ZNF845: variants seen among roughly 807,000 people sequenced by gnomAD.
ZNF845 encodes zinc finger protein 845.
Under a neutral mutation model 76.1 loss-of-function variants are expected in ZNF845, and 59 were observed. That is an observed-to-expected ratio of 0.78 (90% CI 0.63 to 0.96). The LOEUF (loss-of-function observed/expected upper bound fraction) is 0.96, where lower values mean the gene tolerates loss of function less well. Among genes scored for constraint, ZNF845 ranks in the 40% least tolerant of loss-of-function variants. The probability of loss-of-function intolerance (pLI) is 0.00; values close to 1 mark genes in which losing one functional copy is unlikely to be tolerated. For synonymous variants in ZNF845, 361 were observed against 386.9 expected (o/e 0.93, Z 0.78); for missense variants, 1,045 against 1,172.8 (o/e 0.89, Z 1.59).
intron 1 of ZNF845, 150 bp from the exon 2 acceptor site, chr19:53,341,085 C>A: frequency 1.3e-6 from 1 of 748,516 alleles, no homozygotes; most frequent in Non-Finnish European, 2.1e-6. Context: ...TTTCACCTTC[C>A]ACTGCCTGTA....
chr19:53,350,222 C>G (rs1391255404), intron 3 of ZNF845, among the ~76,000 whole-genome samples: 1 of 152,110 alleles, frequency 6.6e-6, no homozygotes, highest in East Asian at 1.9e-4. Flanking sequence ...CAACCTCTGC[C>G]TCTTGGGCTC....
intron 1 of ZNF845, among the ~76,000 whole-genome samples, chr19:53,338,293 T>C (rs890769467): frequency 2.0e-5 from 3 of 152,190 alleles, no homozygotes; most frequent in African/African-American, 4.8e-5. Flanking sequence ...GACCAGACCC[T>C]GTGTCCTCAG....
At chr19:53,334,725 A>AC (rs59524169) in intron 1 of ZNF845, among the ~76,000 whole-genome samples, 13,667 of 137,060 alleles carry the variant, frequency 0.1, 769 homozygotes, top group Admixed American at 0.19. Flanking sequence ...AAATAGTGAG[A>AC]CCCCCCCCCC....
Position 53,352,161 on chromosome 19 carries a change from A to G in ZNF845, c.1486A>G (p.Lys496Glu). ...RRLHTGEKPY[K>E]CEECDEAFSF... is the part of the protein sequence containing the mutation. ...ACTTCATACTGGAGAGAAACCTTAC[A>G]AATGTGAAGAATGTGATGAAGCTTT... Residue 496 changes from lysine (K) to glutamate (E), a missense_variant, in exon 4 of 4, where the codon AAA becomes GAA. Transcript: ENST00000458035. 1 of 1,613,888 alleles carries G rather than the reference A, an allele frequency of 6.2e-7. No homozygotes were observed. The highest frequency in any genetic ancestry group is 8.5e-7 in the Non-Finnish European group (1 of 1,179,900).
Position 53,353,881 on chromosome 19 carries a change from C to A in ZNF845, c.*293C>A, listed in dbSNP as rs1435326081. ...ACAAAGTCTTCAGTAACACTACAAC[C>A]GTTTCAAATCATTGGAGAATCCATA... On this transcript the variant is annotated 3_prime_UTR_variant, in exon 4 of 4. Coordinates refer to ENST00000458035, the MANE Select transcript of ZNF845 (RefSeq NM_138374.3). The A allele has an allele frequency of 2.7e-6, 3 of 1,120,200 alleles. No individual in the cohort carries two copies. The highest frequency in any genetic ancestry group is 1.6e-5 in the African/African-American group (1 of 63,724). 69.4% of individuals were successfully genotyped at this position (1,120,200 alleles called of 1,614,324 possible).
intron 1 of ZNF845, among the ~76,000 whole-genome samples, chr19:53,334,792 C>T (rs2147026218): frequency 6.6e-6 from 1 of 151,648 alleles, no homozygotes; most frequent in Admixed American, 6.6e-5. Context: ...CACCTGTAAT[C>T]CCAGCTGCTC....
intron 3 of ZNF845, among the ~76,000 whole-genome samples, chr19:53,350,000 A>C (rs2085322314): frequency 6.6e-6 from 1 of 152,088 alleles, no homozygotes; most frequent in Non-Finnish European, 1.5e-5. Flanking sequence ...GGGCCATTGC[A>C]CTCCAGCCTG....
In ZNF845 at chr19:53,353,827, A is replaced by C; in HGVS notation, c.*239A>C. 6.9e-7 allele frequency: 1 copy of C among 1,456,872 alleles called. No individual in the cohort carries two copies. The allele number at this position is 1,456,872 out of a possible 1,614,324, so 90.2% of individuals were successfully genotyped here. On this transcript the variant is annotated 3_prime_UTR_variant, in exon 4 of 4. Transcript: ENST00000458035. ...TTCACCATCAGGCAATCCATGGTAT[A>C]GGGAAACTTTACTAATGTAATGATT...
rs751092578 is a variant in ZNF845 at position 53,352,747 on chromosome 19, A to C, written c.2072A>C (p.Tyr691Ser). 1 of 1,614,210 alleles carries C rather than the reference A, an allele frequency of 6.2e-7. No homozygotes were observed. The highest frequency in any genetic ancestry group is 8.5e-7 in the Non-Finnish European group (1 of 1,180,012). ...AGACTTCATACTGGAGAGAAACCTT[A>C]CAAGTGTAATGAGTGTGGCAAGACC... is the stretch of plus-strand genomic sequence containing the variant. ...HRRLHTGEKP[Y>S]KCNECGKTFG... The change falls in exon 4 of 4, where the codon TAC becomes TCC. Residue 691 changes from tyrosine (Y) to serine (S), a missense_variant. Coordinates refer to ENST00000458035, the MANE Select transcript of ZNF845 (RefSeq NM_138374.3).
In ZNF845 at chr19:53,356,363, C is replaced by T. The variant is rs1197214345; in HGVS notation, c.*2775C>T. 1 of 152,094 alleles carries T rather than the reference C, an allele frequency of 6.6e-6. No homozygotes were observed. Among genetic ancestry groups the T allele is most frequent in the Non-Finnish European group, 1.5e-5 (1 of 68,038 alleles). 9.4% of individuals were successfully genotyped at this position (152,094 alleles called of 1,614,324 possible). A position where few individuals can be genotyped will look rare whatever the true frequency, so the allele number is the denominator to read the frequency against. On this transcript the variant is annotated 3_prime_UTR_variant, in exon 4 of 4. Coordinates refer to ENST00000458035, the MANE Select transcript of ZNF845 (RefSeq NM_138374.3). ...GACCAGCCTGGGCGACATAGGGGAC[C>T]TCTTCTCTGCTAAAAGTAAAAAAAG... is the stretch of plus-strand genomic sequence containing the variant.
At position 53,345,517 on chromosome 19, in the gene ZNF845, A is replaced by G; in HGVS notation, c.27A>G (p.Thr9=). MALSQGLL[T]FRDVAIEFSQ... is the part of the protein sequence containing the mutation. ...TGTTTTCATTTCAGGGTCTATTGACATTCAGGGATGTGGCCATAGAATTCT... is the reference window on the plus strand; with the variant it reads ...TGTTTTCATTTCAGGGTCTATTGACGTTCAGGGATGTGGCCATAGAATTCT... The change falls in exon 3 of 4, where the codon ACA becomes ACG. Residue 9 remains threonine, a synonymous_variant. Coordinates refer to ENST00000458035, the MANE Select transcript of ZNF845 (RefSeq NM_138374.3). 2 of 1,613,854 alleles carry G rather than the reference A, an allele frequency of 1.2e-6. No homozygotes were observed. The highest frequency in any genetic ancestry group is 1.7e-6 in the Non-Finnish European group (2 of 1,179,826).
At chr19:53,347,536 T>C (rs898305051) in intron 3 of ZNF845, among the ~76,000 whole-genome samples, 1 of 151,588 alleles carries the variant, frequency 6.6e-6, no homozygotes, top group African/African-American at 2.4e-5. Flanking sequence ...CTTGTGATCC[T>C]CCTGCCTCAG....
At chr19:53,347,909 A>G (rs1457646394) in intron 3 of ZNF845, among the ~76,000 whole-genome samples, 1 of 152,130 alleles carries the variant, frequency 6.6e-6, no homozygotes, top group Non-Finnish European at 1.5e-5. Context: ...AAATTGGCCA[A>G]GTGACCCCAC....
rs957603350 is a variant in ZNF845 at position 53,353,582 on chromosome 19, A to G, written c.2907A>G (p.Lys969=). ...ARHHRIHTGK[K]H is the part of the protein sequence containing the mutation. ...ATCATAGAATTCATACTGGAAAGAA[A>G]CATTAGAAATATGAAGAATGTGACA... The change falls in exon 4 of 4, where the codon AAA becomes AAG. Residue 969 remains lysine, a synonymous_variant. Transcript: ENST00000458035. 3.2e-6 allele frequency: 5 copies of G among 1,584,316 alleles called. No individual in the cohort carries two copies. The highest frequency in any genetic ancestry group is 4.3e-6 in the Non-Finnish European group (5 of 1,164,972).
chr19:53,352,324 C>T lies in ZNF845; in HGVS notation c.1649C>T (p.Pro550Leu). Residue 550 changes from proline to leucine, a missense_variant, in exon 4 of 4, where the codon CCT becomes CTT. Coordinates refer to ENST00000458035, the MANE Select transcript of ZNF845 (RefSeq NM_138374.3). Reference sequence around the variant, plus strand: ...TGTAGACTTCATACTGGAGAGAAACCTTACCAGTGTAATGAGTGTGGCAAA... The same window carrying T: ...TGTAGACTTCATACTGGAGAGAAACTTTACCAGTGTAATGAGTGTGGCAAA... ...RHCRLHTGEK[P>L]YQCNECGKAF... 6.2e-7 allele frequency: 1 copy of T among 1,613,760 alleles called. No individual in the cohort carries two copies.
intron 1 of ZNF845, among the ~76,000 whole-genome samples, chr19:53,336,229 A>C (rs561998514): frequency 1.9e-4 from 29 of 148,982 alleles, no homozygotes; most frequent in Admixed American, 4.0e-4. Context: ...AAAAAAAGGA[A>C]CATCAAAGCT....
In ZNF845 at chr19:53,355,655, T is replaced by G. The variant is rs889177740; in HGVS notation, c.*2067T>G. 1 of 152,196 alleles carries G rather than the reference T, an allele frequency of 6.6e-6. No individual in the cohort carries two copies. The highest frequency in any genetic ancestry group is 2.4e-5 in the African/African-American group (1 of 41,448). 9.4% of individuals were successfully genotyped at this position (152,196 alleles called of 1,614,324 possible). On this transcript the variant is annotated 3_prime_UTR_variant, in exon 4 of 4. Transcript: ENST00000458035. ...GGATGAGTTTTATTTCTTTTGCTAT[T>G]TAATTGCTCTGCCTAGGACAGCCAG...
At position 53,343,391 on chromosome 19, in the gene ZNF845, T is replaced by C. The variant is rs537008846; in HGVS notation, c.15+2069T>C. On this transcript the variant is annotated intron_variant, in intron 2 of 3. Coordinates refer to ENST00000458035, the MANE Select transcript of ZNF845 (RefSeq NM_138374.3). ...CATAGTGGCTGCCTCTGTGCACACC[T>C]GCGTTACTACAGATACCTGAAGATT... is the stretch of plus-strand genomic sequence containing the variant. Among the ~76,000 whole-genome samples, 18 of 152,302 alleles carry C rather than the reference T, an allele frequency of 1.2e-4. No individual in the cohort carries two copies. In the South Asian group the frequency reaches 2.1e-3, roughly 18 times the overall value.
chr19:53,339,082 G>A (rs892463473), intron 1 of ZNF845, among the ~76,000 whole-genome samples: 2 of 152,114 alleles, frequency 1.3e-5, no homozygotes, highest in Non-Finnish European at 2.9e-5. Flanking sequence ...CATGGTGACA[G>A]AGCAAGACTC....
Sources: allele counts gnomAD v4.1 joint callset (sites outside exome capture counted in the v4.1 genomes callset), GRCh38; gene constraint gnomAD v4.1.1; transcripts MANE v1.5; gene names NCBI Gene and HGNC (gene_info 2026-07-23, HGNC 2026-07-21).